The following JAKMIP3 variants were observed in gnomAD, a reference collection of about 807,000 sequenced individuals.
The protein encoded by JAKMIP3 is janus kinase and microtubule-interacting protein 3.
Under a neutral mutation model 118.5 loss-of-function variants are expected in JAKMIP3, and 58 were observed. The observed-to-expected ratio is 0.49, with a 90% CI of 0.40 to 0.61. The LOEUF (loss-of-function observed/expected upper bound fraction) is 0.61, where lower values mean the gene tolerates loss of function less well. JAKMIP3 is among the 20% of genes least tolerant of loss of function. The pLI is 0.00. For synonymous variants in JAKMIP3, 486 were observed against 451.2 expected (o/e 1.08, Z -0.98); for missense variants, 950 against 1,109.0 (o/e 0.86, Z 2.04).
intron 1 of JAKMIP3, among the ~76,000 whole-genome samples, chr10:132,069,453 G>A (rs1241325102): frequency 6.6e-6 from 1 of 152,140 alleles, no homozygotes; most frequent in Non-Finnish European, 1.5e-5. Flanking sequence ...TCTTCACCAG[G>A]GACCCCCCAG....
intron 1 of JAKMIP3, among the ~76,000 whole-genome samples, chr10:132,092,200 T>C (rs1267274028): frequency 5.3e-5 from 8 of 152,176 alleles, no homozygotes; most frequent in Admixed American, 6.5e-5. Flanking sequence ...GCCCTTAACA[T>C]TTTTTCCTTC....
intron 1 of JAKMIP3, among the ~76,000 whole-genome samples, chr10:132,095,964 A>G (rs937538812): frequency 2.6e-5 from 4 of 152,094 alleles, no homozygotes; most frequent in Non-Finnish European, 5.9e-5. Context: ...ATCCGCCGGC[A>G]TACTGTCCCA....
At chr10:132,180,695 G>A (rs2061079235) in intron 23 of JAKMIP3, among the ~76,000 whole-genome samples, 2 of 25,076 alleles carry the variant, frequency 8.0e-5, no homozygotes, top group Non-Finnish European at 1.7e-4. Context: ...GTGTGTGCGT[G>A]CGTGTGTGTG....
At chr10:132,158,253 C>G (rs980984537) in intron 19 of JAKMIP3, among the ~76,000 whole-genome samples, 4 of 152,304 alleles carry the variant, frequency 2.6e-5, no homozygotes, top group East Asian at 3.9e-4. Context: ...GAGAAGTGGC[C>G]TATGGGCCCC....
rs1193308859 is a variant in JAKMIP3, at chr10:132,182,476, T to C, written c.*1223T>C. On this transcript the variant is annotated 3_prime_UTR_variant, in exon 24 of 24. Transcript: ENST00000684848. ...TGGATGGAGCCTGACTGGCTGCAGA[T>C]GGAACTTCTGTGTCCTCCCACCCTA... 1 of 152,196 alleles carries C rather than the reference T, an allele frequency of 6.6e-6. No individual in the cohort carries two copies. The allele number at this position is 152,196 out of a possible 1,614,324, so 9.4% of individuals were successfully genotyped here.
chr10:132,147,286 C>T (rs980981109), intron 13 of JAKMIP3, among the ~76,000 whole-genome samples: 1 of 152,236 alleles, frequency 6.6e-6, no homozygotes, highest in Non-Finnish European at 1.5e-5. Flanking sequence ...AGCTCAGCTT[C>T]AGGGGATGGA....
chr10:132,129,059 T>C (rs1031968959), intron 3 of JAKMIP3, among the ~76,000 whole-genome samples: 1 of 152,192 alleles, frequency 6.6e-6, no homozygotes, highest in Non-Finnish European at 1.5e-5. Context: ...CTGTGGGTGA[T>C]GTGTTGTGAG....
chr10:132,174,384 G>T (rs1294248179), intron 23 of JAKMIP3, among the ~76,000 whole-genome samples: 3 of 152,092 alleles, frequency 2.0e-5, no homozygotes, highest in Non-Finnish European at 4.4e-5. Context: ...TGGCTCTGTG[G>T]GCTTGGTGGG....
rs753650815 is a variant in JAKMIP3 at position 132,102,749 on chromosome 10, C to T, written c.-137-1923C>T. ...CTCCCACCTGCCCGTCCTGCCACCTCCGCTGGTCTCTGAGCCCCACACCCA... is the reference window on the plus strand; with the variant it reads ...CTCCCACCTGCCCGTCCTGCCACCTTCGCTGGTCTCTGAGCCCCACACCCA... On this transcript the variant is annotated intron_variant, in intron 1 of 23. Coordinates refer to ENST00000684848, the MANE Select transcript of JAKMIP3 (RefSeq NM_001323087.2). Among the ~76,000 whole-genome samples, 20 of 152,330 alleles carry T rather than the reference C, an allele frequency of 1.3e-4. 1 individual carries two copies. The South Asian group carries it at 3.5e-3, about 27-fold the overall frequency.
chr10:132,133,672 A>T (rs2051114393), intron 4 of JAKMIP3, 145 bp downstream of exon 4: 1 of 707,910 alleles, frequency 1.4e-6, no homozygotes, highest in African/African-American at 1.8e-5. Context: ...CTCCCCACCC[A>T]GCCTGGCCCT....
chr10:132,122,702 C>T (rs2048769185), intron 3 of JAKMIP3, among the ~76,000 whole-genome samples: 1 of 152,154 alleles, frequency 6.6e-6, no homozygotes, highest in Non-Finnish European at 1.5e-5. Context: ...ATGTGGGAGC[C>T]AACAGACACC....
rs746976155 is a variant in JAKMIP3, at chr10:132,167,966, C to T, written c.*36C>T. 10 of 1,289,456 alleles carry T rather than the reference C, an allele frequency of 7.8e-6. No homozygotes were observed. The South Asian group carries it at 8.6e-5, about 11-fold the overall frequency. The allele number at this position is 1,289,456 out of a possible 1,614,324, so 79.9% of individuals were successfully genotyped here. A position where few individuals can be genotyped will look rare whatever the true frequency, so the allele number is the denominator to read the frequency against. ...CATTTCTTCCAGCCCCACATTGAAT[C>T]GGACCCTTTTCCTCCAGTGGGACCA... On this transcript the variant is annotated 3_prime_UTR_variant, in exon 23 of 24. Transcript: ENST00000684848.
chr10:132,176,661 T>C (rs191033188), intron 23 of JAKMIP3, among the ~76,000 whole-genome samples: 50 of 152,262 alleles, frequency 3.3e-4, no homozygotes, highest in Admixed American at 2.4e-3. Flanking sequence ...GTGTTTGAAA[T>C]CTTTGTTAAC....
intron 19 of JAKMIP3, among the ~76,000 whole-genome samples, chr10:132,161,978 G>A (rs2058396760): frequency 2.7e-5 from 4 of 147,720 alleles, no homozygotes; most frequent in Non-Finnish European, 6.1e-5. Context: ...CGAGTTTTCT[G>A]AGTTCACTGT....
At chr10:132,084,628 C>T (rs751708789) in intron 1 of JAKMIP3, among the ~76,000 whole-genome samples, 2 of 152,094 alleles carry the variant, frequency 1.3e-5, no homozygotes, top group Non-Finnish European at 2.9e-5. Context: ...GAAGTGGTGA[C>T]AGTGGGTATC....
At chr10:132,159,779 CTT>C (rs1405820979) in intron 19 of JAKMIP3, among the ~76,000 whole-genome samples, 3 of 47,772 alleles carry the variant, frequency 6.3e-5, no homozygotes, top group Non-Finnish European at 1.0e-4. Context: ...TGGGGGGTCT[CTT>C]CCTGTGTGAT....
At chr10:132,114,813 G>T (rs1156780337) in intron 2 of JAKMIP3, among the ~76,000 whole-genome samples, 1 of 152,014 alleles carries the variant, frequency 6.6e-6, no homozygotes, top group South Asian at 2.1e-4. Flanking sequence ...GAGGTCTTGG[G>T]CGTGTTTTCT....
intron 5 of JAKMIP3, among the ~76,000 whole-genome samples, chr10:132,135,719 C>T (rs575350747): frequency 6.4e-4 from 98 of 152,248 alleles, no homozygotes; most frequent in African/African-American, 2.3e-3. Context: ...TTCACCTGGG[C>T]ACTGGACGAG....
intron 9 of JAKMIP3, among the ~76,000 whole-genome samples, chr10:132,139,314 ATGTGTATGT>A (rs1564948362): frequency 1.1e-5 from 1 of 91,024 alleles, no homozygotes; most frequent in African/African-American, 5.8e-5. Context: ...GTGAGTGTGT[ATGTGTATGT>A]GTGTGTGTTT....
Sources: allele counts gnomAD v4.1 joint callset (sites outside exome capture counted in the v4.1 genomes callset), GRCh38; gene constraint gnomAD v4.1.1; transcripts MANE v1.5; gene names NCBI Gene and HGNC (gene_info 2026-07-23, HGNC 2026-07-21).